PRKDC: variants seen among roughly 807,000 people sequenced by gnomAD.
The protein encoded by PRKDC is protein kinase, DNA-activated, catalytic subunit.
PRKDC carries 82 observed loss-of-function variants against 486.9 expected under a neutral mutation model. The ratio of observed to expected loss-of-function variants is 0.17; its 90% confidence interval spans 0.14 to 0.20. The LOEUF is 0.20. Ranked by LOEUF, PRKDC falls within the 10% of genes least tolerant of loss-of-function variation. PRKDC has a pLI of 1.00. For synonymous variants in PRKDC, 1,895 were observed against 1,837.0 expected, an observed-to-expected ratio of 1.03 and a Z score of -0.81; for missense variants, 4,504 against 5,038.2, an observed-to-expected ratio of 0.89 and a Z score of 3.21.
intron 54 of PRKDC, among the ~76,000 whole-genome samples, chr8:47,842,326 C>A (rs1281940810): frequency 1.3e-5 from 2 of 152,154 alleles, no homozygotes; most frequent in Non-Finnish European, 2.9e-5. Context: ...TATCTGCTAG[C>A]CCTTATCCTT....
At chr8:47,956,995 A>C (rs1316430692) in intron 3 of PRKDC, among the ~76,000 whole-genome samples, 176 bp downstream of exon 3, 2 of 150,140 alleles carry the variant, frequency 1.3e-5, no homozygotes, top group Non-Finnish European at 3.0e-5. Context: ...AAAAAAAAAA[A>C]AAAAAACCTA....
In PRKDC at chr8:47,826,828, G is replaced by A; in HGVS notation, c.8611C>T (p.Leu2871Phe). The change falls in exon 63 of 86, where the codon CTC (leucine) becomes TTC (phenylalanine). Residue 2871 changes from leucine (L) to phenylalanine (F), a missense_variant. Physicochemically the swap from Leu to Phe is conservative, Grantham distance 22. This residue lies in a region of PRKDC where 1,592 missense variants were observed against 1,724.6 expected (regional missense o/e 0.92). Transcript: ENST00000314191. ...ISCQHAALLS[L>F]DPAAVSAGCL... ...CCAGCGCTAACAGCCGCTGGGTCGA[G>A]GCTCAGCAGGGCTGCGTGCTGACAG... 1 of 1,596,324 alleles carries A rather than the reference G, an allele frequency of 6.3e-7. No individual in the cohort carries two copies. The highest frequency in any genetic ancestry group is 2.3e-5 in the East Asian group (1 of 44,240).
chr8:47,826,945 A>C, intron 62 of PRKDC, 84 bp from the exon 63 acceptor site: 2 of 1,332,496 alleles, frequency 1.5e-6, no homozygotes, highest in Non-Finnish European at 2.0e-6. Flanking sequence ...TTTACTAAAC[A>C]TAAAAGGTAC....
chr8:47,849,603 G>T, intron 52 of PRKDC, 100 bp from the exon 53 acceptor site: 1 of 1,352,992 alleles, frequency 7.4e-7, no homozygotes, highest in Non-Finnish European at 1.0e-6. Context: ...CCCAACAAAG[G>T]TGCTCAATGT....
chr8:47,811,977 C>CA (rs1017391807), intron 68 of PRKDC, among the ~76,000 whole-genome samples: 3 of 150,768 alleles, frequency 2.0e-5, no homozygotes, highest in Admixed American at 1.3e-4. Context: ...AATTCCATCA[C>CA]AAAAAAAAAG....
At chr8:47,788,466 T>C (rs2086830120) in intron 76 of PRKDC, among the ~76,000 whole-genome samples, 1 of 152,254 alleles carries the variant, frequency 6.6e-6, no homozygotes, top group Admixed American at 6.5e-5. Flanking sequence ...TTTTGTCACA[T>C]AACCCCTTTG....
rs771896719 is a variant in PRKDC, at chr8:47,929,964, G to A, written c.1941C>T (p.Tyr647=). ...KQAEFFEPWV[Y]SFSYELILQS... ...GCAAAATTAATTCATATGAAAATGAGTACACCCATGGTTCAAAAAATTCTG... is the reference window on the plus strand; with the variant it reads ...GCAAAATTAATTCATATGAAAATGAATACACCCATGGTTCAAAAAATTCTG... The change falls in exon 18 of 86, where the codon TAC becomes TAT. Residue 647 remains tyrosine, a synonymous_variant. Coordinates refer to ENST00000314191, the MANE Select transcript of PRKDC (RefSeq NM_006904.7). 1 of 1,609,960 alleles carries A rather than the reference G, an allele frequency of 6.2e-7. No individual in the cohort carries two copies. Among genetic ancestry groups the A allele is most frequent in the Non-Finnish European group, 8.5e-7 (1 of 1,178,682 alleles).
At position 47,834,336 on chromosome 8, in the gene PRKDC, G is replaced by C. The variant is rs780494862; in HGVS notation, c.8012C>G (p.Thr2671Ser). 1 of 1,613,996 alleles carries C rather than the reference G, an allele frequency of 6.2e-7. No homozygotes were observed. Among genetic ancestry groups the C allele is most frequent in the South Asian group, 1.1e-5 (1 of 91,084 alleles). ...CAGCAAGGAGTCAGATGAGGGACTG[G>C]TGTGGTCGACCAGCGGGTCAGTGCT... The part of the protein sequence containing the change: ...GSSTDPLVDH[T>S]SPSSDSLLFA... Residue 2671 changes from threonine (T) to serine (S), a missense_variant, in exon 59 of 86, where the codon ACC (threonine) becomes AGC (serine). Thr to Ser is a moderately conservative substitution (Grantham distance 58). Transcript: ENST00000314191.
At chr8:47,860,109 G>A (rs2088641941) in intron 45 of PRKDC, among the ~76,000 whole-genome samples, 1 of 152,172 alleles carries the variant, frequency 6.6e-6, no homozygotes, top group Admixed American at 6.5e-5. Flanking sequence ...CCACTGAAAA[G>A]CAGCTAATCC....
At chr8:47,897,339 AACAT>A in intron 29 of PRKDC, 45 bp from the exon 30 acceptor site, 1 of 1,492,444 alleles carries the variant, frequency 6.7e-7, no homozygotes, top group East Asian at 2.3e-5. Context: ...TCCAACATGC[AACAT>A]TCAGCTACCA....
Position 47,840,141 on chromosome 8 carries a change from C to G in PRKDC, c.7329G>C (p.Met2443Ile). The change falls in exon 55 of 86, where the codon ATG becomes ATC. Residue 2443 changes from methionine (M) to isoleucine (I), a missense_variant. This residue lies in a region of PRKDC where 1,592 missense variants were observed against 1,724.6 expected (regional missense o/e 0.92). Coordinates refer to ENST00000314191, the MANE Select transcript of PRKDC (RefSeq NM_006904.7). ...GGAGTTCTACTGGTTTTAACTTTGGCATCATCTTATAAATTATGTCCAAAC... is the reference window on the plus strand; with the variant it reads ...GGAGTTCTACTGGTTTTAACTTTGGGATCATCTTATAAATTATGTCCAAAC... ...KVCLDIIYKMMPKLKPVELRE... is the reference protein window; with the variant it reads ...KVCLDIIYKMIPKLKPVELRE... The G allele has an allele frequency of 1.2e-6, 2 of 1,600,334 alleles. No individual in the cohort carries two copies. Among genetic ancestry groups the G allele is most frequent in the Non-Finnish European group, 1.7e-6 (2 of 1,172,212 alleles).
Position 47,890,264 on chromosome 8 carries a change from C to A in PRKDC, c.4064G>T (p.Gly1355Val). Reference protein sequence around the residue: ...TTTLLNTSPEGWKLLKKDLCN... With the variant: ...TTTLLNTSPEVWKLLKKDLCN... Reference sequence around the variant, plus strand: ...ATTAACAGAGCAGCCTACCTTCCATCCTTCCGGGGAGGTGTTTAGCAGAGT... The same window carrying A: ...ATTAACAGAGCAGCCTACCTTCCATACTTCCGGGGAGGTGTTTAGCAGAGT... The change falls in exon 32 of 86, where the codon GGA becomes GTA. Residue 1355 changes from glycine to valine, a missense_variant. Around this residue, in one of 6 missense-constraint regions of PRKDC, gnomAD observed 1,969 missense variants for 2,068.9 expected, o/e 0.95. Coordinates refer to ENST00000314191, the MANE Select transcript of PRKDC (RefSeq NM_006904.7). The A allele has an allele frequency of 1.2e-6, 2 of 1,608,970 alleles. No homozygotes were observed. Among genetic ancestry groups the A allele is most frequent in the Middle Eastern group, 2.1e-4 (1 of 4,662 alleles).
intron 59 of PRKDC, among the ~76,000 whole-genome samples, chr8:47,832,981 G>T (rs1035818405): frequency 6.6e-6 from 1 of 152,170 alleles, no homozygotes; most frequent in Non-Finnish European, 1.5e-5. Flanking sequence ...TGCAAAGCAG[G>T]GAGTCCAGGG....
rs923202322 is a variant in PRKDC, at chr8:47,773,187, A to C, written c.*986T>G. On this transcript the variant is annotated 3_prime_UTR_variant, in exon 86 of 86. Transcript: ENST00000314191. ...AGAAGAGCCTCCAAATACAAGTGTT[A>C]GAAGGAAAAAAAAAAACAACAAAAA... 9.2e-6 allele frequency: 2 copies of C among 216,334 alleles called. No homozygotes were observed. Among genetic ancestry groups the C allele is most frequent in the Non-Finnish European group, 1.9e-5 (2 of 106,316 alleles). The allele number at this position is 216,334 out of a possible 1,614,324, so 13.4% of individuals were successfully genotyped here.
At position 47,821,659 on chromosome 8, in the gene PRKDC, A is replaced by G; in HGVS notation, c.9056T>C (p.Ile3019Thr). 6.2e-7 allele frequency: 1 copy of G among 1,603,456 alleles called. No individual in the cohort carries two copies. The highest frequency in any genetic ancestry group is 8.5e-7 in the Non-Finnish European group (1 of 1,174,120). ...KSLEYCSTASIDSENPPDLNK... is the reference protein window; with the variant it reads ...KSLEYCSTASTDSENPPDLNK... ...TAGGTCTGGGGGGTTCTCACTGTCT[A>G]TACTGGCTGTAGAACAGTATTCAAG... The change falls in exon 65 of 86, where the codon ATA becomes ACA. Residue 3019 changes from isoleucine (I) to threonine (T), a missense_variant. By Grantham distance (89) the Ile-to-Thr change is moderately conservative (BLOSUM62 -1). Coordinates refer to ENST00000314191, the MANE Select transcript of PRKDC (RefSeq NM_006904.7).
intron 52 of PRKDC, 92 bp downstream of exon 52, chr8:47,852,581 A>G: frequency 1.4e-6 from 1 of 732,814 alleles, no homozygotes; most frequent in South Asian, 2.8e-5. Flanking sequence ...TGTTTCTAAT[A>G]CCATACAAGA....
intron 30 of PRKDC, among the ~76,000 whole-genome samples, chr8:47,893,782 C>A (rs2089515625): frequency 6.6e-6 from 1 of 152,172 alleles, no homozygotes; most frequent in African/African-American, 2.4e-5. Context: ...GTCTACCACA[C>A]AGTAAGTGCA....
chr8:47,787,697 G>A (rs553932731), intron 76 of PRKDC, among the ~76,000 whole-genome samples: 1 of 152,308 alleles, frequency 6.6e-6, no homozygotes, highest in East Asian at 1.9e-4. Flanking sequence ...AGCCCTGCAG[G>A]GAAGTCTCAG....
In PRKDC at chr8:47,902,706, T is replaced by A. The variant is rs372899418; in HGVS notation, c.3132A>T (p.Ile1044=). 1.1e-5 allele frequency: 18 copies of A among 1,613,950 alleles called. No homozygotes were observed. The highest frequency in any genetic ancestry group is 4.5e-5 in the East Asian group (2 of 44,884). ...REFLKWSIKQ[I]TPQQQEKSPV... ...GACTCTTCTCCTGCTGCTGTGGTGTTATTTGCTTAATGGACCATTTAAGGA... is the reference window on the plus strand; with the variant it reads ...GACTCTTCTCCTGCTGCTGTGGTGTAATTTGCTTAATGGACCATTTAAGGA... The change falls in exon 27 of 86, where the codon ATA becomes ATT. Residue 1044 remains isoleucine, a synonymous_variant. Transcript: ENST00000314191.
Sources: allele counts gnomAD v4.1 joint callset (sites outside exome capture counted in the v4.1 genomes callset), GRCh38; gene constraint gnomAD v4.1.1; regional missense constraint gnomAD v4.1.1; transcripts MANE v1.5; gene names NCBI Gene and HGNC (gene_info 2026-07-23, HGNC 2026-07-21).